Variants in JPH3 observed in about 807,000 individuals in gnomAD.
JPH3 encodes the protein junctophilin 3, also known as junctophilin-3.
In JPH3, 11 loss-of-function variants were observed where a neutral mutation model predicts 59.6. The ratio of observed to expected loss-of-function variants is 0.18; its 90% confidence interval spans 0.12 to 0.31. The LOEUF (loss-of-function observed/expected upper bound fraction) is 0.31, where lower values mean the gene tolerates loss of function less well. Among genes scored for constraint, JPH3 ranks in the 10% least tolerant of loss-of-function variants. The pLI is 1.00. For synonymous variants in JPH3, 673 were observed against 483.6 expected, an observed-to-expected ratio of 1.39 and a Z score of -5.14; for missense variants, 1,202 against 1,105.7, an observed-to-expected ratio of 1.09 and a Z score of -1.24.
At chr16:87,686,217 G>A (rs918786362) in intron 3 of JPH3, among the ~76,000 whole-genome samples, 1 of 152,194 alleles carries the variant, frequency 6.6e-6, no homozygotes, top group South Asian at 2.1e-4. Context: ...CAAGAAATGG[G>A]TGCAGGCTCC....
chr16:87,687,751 G>A (rs1027771962), intron 3 of JPH3, among the ~76,000 whole-genome samples: 1 of 152,186 alleles, frequency 6.6e-6, no homozygotes, highest in Non-Finnish European at 1.5e-5. Context: ...GGTGCTGGGA[G>A]TCGGGGCCCC....
chr16:87,641,377 G>A (rs999047116), intron 1 of JPH3, among the ~76,000 whole-genome samples: 3 of 152,308 alleles, frequency 2.0e-5, no homozygotes, highest in Admixed American at 6.5e-5. Flanking sequence ...TGTTTCCGAC[G>A]TTGATGGCAG....
rs576059166 is a variant in JPH3 at position 87,678,937 on chromosome 16, C to G, written c.1161-5205C>G. Among the ~76,000 whole-genome samples, 18 of 152,342 alleles carry G rather than the reference C, an allele frequency of 1.2e-4. No homozygotes were observed. The East Asian group carries it at 3.1e-3, about 26-fold the overall frequency. On this transcript the variant is annotated intron_variant, in intron 2 of 4. Coordinates refer to ENST00000284262, the MANE Select transcript of JPH3 (RefSeq NM_020655.4). The stretch of plus-strand genomic sequence containing the variant: ...AAGCCTTCCGATAGGGGTGTGACTT[C>G]TTGATTTTGGACTCCGGGACTGCAG...
chr16:87,682,416 G>A (rs2150873790), intron 2 of JPH3, among the ~76,000 whole-genome samples: 1 of 152,228 alleles, frequency 6.6e-6, no homozygotes, highest in South Asian at 2.1e-4. Context: ...CACCACCAGG[G>A]CGATGGTGCT....
chr16:87,696,032 C>A (rs529934640), intron 4 of JPH3: 1 of 456,024 alleles, frequency 2.2e-6, no homozygotes, highest in South Asian at 1.5e-5. Context: ...AGCCAGTTGG[C>A]GTGAGGGGTT....
chr16:87,675,149 C>T (rs1157759861), intron 2 of JPH3, among the ~76,000 whole-genome samples: 2 of 140,522 alleles, frequency 1.4e-5, no homozygotes, highest in African/African-American at 5.3e-5. Flanking sequence ...CCACCCCATG[C>T]CCCACCCCCC....
At chr16:87,626,659 C>T (rs899480311) in intron 1 of JPH3, among the ~76,000 whole-genome samples, 1 of 152,270 alleles carries the variant, frequency 6.6e-6, no homozygotes, top group Non-Finnish European at 1.5e-5. Flanking sequence ...CTCAGAGCCA[C>T]TCAGCCTATG....
Position 87,634,709 on chromosome 16 carries a change from C to T in JPH3, c.383-9549C>T, listed in dbSNP as rs143017551. Among the ~76,000 whole-genome samples the T allele has an allele frequency of 5.7e-3, 874 of 152,292 alleles. 5 individuals carry two copies. The highest frequency in any genetic ancestry group is 0.017 in the Middle Eastern group (5 of 294). Reference sequence around the variant, plus strand: ...CGGGCCCTATAGGAGGCAGGTGAGGCGGGCCAGAGTGAATCAGTGGTCCAG... The same window carrying T: ...CGGGCCCTATAGGAGGCAGGTGAGGTGGGCCAGAGTGAATCAGTGGTCCAG... On this transcript the variant is annotated intron_variant, in intron 1 of 4. Transcript: ENST00000284262.
chr16:87,619,444 C>G (rs1398765193), intron 1 of JPH3, among the ~76,000 whole-genome samples: 1 of 152,188 alleles, frequency 6.6e-6, no homozygotes, highest in Non-Finnish European at 1.5e-5. Flanking sequence ...GCTGCCTGCT[C>G]CGTTGGAGGT....
chr16:87,603,509 C>G lies in JPH3; in HGVS notation c.363C>G (p.Thr121=), dbSNP rs766812036. Residue 121 remains threonine, a synonymous_variant, in exon 1 of 5, where the codon ACC becomes ACG. Transcript: ENST00000284262. ...ACGGGCTGCAGGACGGCTACGGGAC[C>G]GAGACCTACTCGGACGGAGGTAGGT... is the stretch of plus-strand genomic sequence containing the variant. ...WSNGLQDGYG[T]ETYSDGGTYQ... 2.6e-6 allele frequency: 4 copies of G among 1,550,320 alleles called. No individual in the cohort carries two copies. Among genetic ancestry groups the G allele is most frequent in the South Asian group, 2.4e-5 (2 of 84,052 alleles).
chr16:87,664,227 A>G (rs1446823222), intron 2 of JPH3, among the ~76,000 whole-genome samples: 2 of 151,506 alleles, frequency 1.3e-5, no homozygotes, highest in African/African-American at 4.9e-5. Context: ...GCTACATGGG[A>G]GGCTGAGGCA....
chr16:87,683,768 A>G (rs2033351053), intron 2 of JPH3, among the ~76,000 whole-genome samples: 1 of 151,764 alleles, frequency 6.6e-6, no homozygotes, highest in Non-Finnish European at 1.5e-5. Context: ...CATCACACCC[A>G]GCTAATTTTG....
chr16:87,675,861 C>T (rs927000278), intron 2 of JPH3, among the ~76,000 whole-genome samples: 6 of 152,234 alleles, frequency 3.9e-5, no homozygotes, highest in African/African-American at 9.6e-5. Context: ...CATCCTATTT[C>T]GCACCCCTTC....
intron 2 of JPH3, chr16:87,654,036 G>C (rs925885230): frequency 1.3e-5 from 2 of 152,292 alleles, no homozygotes; most frequent in Non-Finnish European, 2.9e-5. Flanking sequence ...ATGAAGACCA[G>C]GCTCCCCAGC....
In JPH3 at chr16:87,644,939, G is replaced by T. The variant is rs370880429; in HGVS notation, c.1064G>T (p.Arg355Leu). 2 of 1,612,296 alleles carry T rather than the reference G, an allele frequency of 1.2e-6. No individual in the cohort carries two copies. Among genetic ancestry groups the T allele is most frequent in the South Asian group, 1.1e-5 (1 of 91,082 alleles). The change falls in exon 2 of 5, where the codon CGG becomes CTG. Residue 355 changes from arginine to leucine, a missense_variant. Coordinates refer to ENST00000284262, the MANE Select transcript of JPH3 (RefSeq NM_020655.4). ...AAGCGCAAGAACCTCATCCCCCTGCGGGCCAGCAAGATCCGCGAGAAGGTG... is the reference window on the plus strand; with the variant it reads ...AAGCGCAAGAACCTCATCCCCCTGCTGGCCAGCAAGATCCGCGAGAAGGTG... ...GGKRKNLIPLRASKIREKVDR... is the reference protein window; with the variant it reads ...GGKRKNLIPLLASKIREKVDR...
chr16:87,628,434 G>T (rs779014599), intron 1 of JPH3, among the ~76,000 whole-genome samples: 23 of 152,228 alleles, frequency 1.5e-4, no homozygotes, highest in Non-Finnish European at 2.2e-4. Context: ...GGCCGGGTGG[G>T]GCCGGATCGT....
At chr16:87,633,812 A>G (rs1296714988) in intron 1 of JPH3, among the ~76,000 whole-genome samples, 1 of 151,606 alleles carries the variant, frequency 6.6e-6, no homozygotes, top group African/African-American at 2.4e-5. Context: ...AATAAAAAAA[A>G]TCTGGTGTTG....
intron 2 of JPH3, among the ~76,000 whole-genome samples, chr16:87,673,134 C>A (rs927850386): frequency 1.3e-5 from 2 of 150,562 alleles, no homozygotes; most frequent in Non-Finnish European, 2.9e-5. Context: ...CGACACAGTG[C>A]GACTCTGTCA....
intron 2 of JPH3, among the ~76,000 whole-genome samples, chr16:87,670,273 T>C (rs574962295): frequency 6.6e-6 from 1 of 152,242 alleles, no homozygotes; most frequent in East Asian, 1.9e-4. Context: ...TGGTGGTGCC[T>C]CCTGCAAACA....
Sources: gnomAD v4.1 joint callset for allele counts (sites outside exome capture counted in the v4.1 genomes callset) on GRCh38, gnomAD v4.1.1 for gene constraint, MANE v1.5 for transcripts, NCBI Gene and HGNC (gene_info 2026-07-23, HGNC 2026-07-21) for gene names.